The following ROBO2 variants were observed in gnomAD, a reference collection of about 807,000 sequenced individuals.
ROBO2 encodes the protein roundabout homolog 2.
Under a neutral mutation model 160.8 loss-of-function variants are expected in ROBO2, and 53 were observed. The observed-to-expected ratio is 0.33, with a 90% confidence interval of 0.26 to 0.41. ROBO2 has a LOEUF of 0.41. Ranked by LOEUF, ROBO2 falls within the 10% of genes least tolerant of loss-of-function variation. The pLI is 1.00. For synonymous variants in ROBO2, 664 were observed against 611.7 expected (o/e 1.09, Z -1.26); for missense variants, 1,577 against 1,722.4 (o/e 0.92, Z 1.49).
intron 2 of ROBO2, among the ~76,000 whole-genome samples, chr3:76,647,637 G>C (rs926923215): frequency 2.6e-5 from 4 of 152,160 alleles, no homozygotes; most frequent in Non-Finnish European, 5.9e-5. Context: ...TATGATTGCG[G>C]ACTTAATGGC....
chr3:76,361,035 A>T (rs2108386352), intron 2 of ROBO2, among the ~76,000 whole-genome samples: 1 of 152,122 alleles, frequency 6.6e-6, no homozygotes, highest in East Asian at 1.9e-4. Flanking sequence ...ACAAAATCTC[A>T]ATTGATACAA....
At chr3:76,933,523 CT>C (rs745965222) in intron 2 of ROBO2, among the ~76,000 whole-genome samples, 21 of 152,134 alleles carry the variant, frequency 1.4e-4, no homozygotes, top group Admixed American at 1.3e-4. Context: ...TTGTTTTTAA[CT>C]GTAATTTTTA....
intron 2 of ROBO2, among the ~76,000 whole-genome samples, chr3:76,074,199 G>T (rs577807971): frequency 6.7e-6 from 1 of 149,496 alleles, no homozygotes; most frequent in East Asian, 2.0e-4. Flanking sequence ...TCTCTGTGGC[G>T]CCTGTGTGGA....
rs143872609 is a variant in ROBO2 at position 77,179,432 on chromosome 3, A to G, written c.388+81092A>G. ...ATAGCTCATGAATGTGCATGAATAC[A>G]TACATATGCACTTAACAAGAATTTT... is the stretch of plus-strand genomic sequence containing the variant. On this transcript the variant is annotated intron_variant, in intron 2 of 25. Coordinates refer to ENST00000461745, the Ensembl canonical transcript of ROBO2. Among the ~76,000 whole-genome samples, 40 of 151,920 alleles carry G rather than the reference A, an allele frequency of 2.6e-4. No homozygotes were observed. The East Asian group carries it at 7.5e-3, about 29-fold the overall frequency.
chr3:77,288,457 T>A (rs1010606215), intron 2 of ROBO2, among the ~76,000 whole-genome samples: 3 of 152,172 alleles, frequency 2.0e-5, no homozygotes, highest in African/African-American at 7.2e-5. Context: ...CAAATCTTCA[T>A]ATGGATTTTG....
At chr3:77,064,157 T>G (rs1021232154) in intron 1 of ROBO2, among the ~76,000 whole-genome samples, 12 of 152,194 alleles carry the variant, frequency 7.9e-5, no homozygotes, top group African/African-American at 2.7e-4. Context: ...AAACGTTTGA[T>G]TTTATTTTTA....
chr3:76,931,654 T>C (rs982413206), intron 2 of ROBO2, among the ~76,000 whole-genome samples: 1 of 152,092 alleles, frequency 6.6e-6, no homozygotes, highest in Non-Finnish European at 1.5e-5. Flanking sequence ...TTCGTCAGTC[T>C]AGTATTATAT....
rs572198554 is a variant in ROBO2 at position 77,542,492 on chromosome 3, C to T, written c.935-3846C>T. 4.6e-5 allele frequency among the ~76,000 whole-genome samples: 7 copies of T among 152,172 alleles called. No individual in the cohort carries two copies. The East Asian group carries it at 7.7e-4, about 17-fold the overall frequency. ...ATGCATTTGAAATACAACACATTTC[C>T]GACTTGGAGTAAATGTACAATATAC... On this transcript the variant is annotated intron_variant, in intron 6 of 25. Transcript: ENST00000461745.
At chr3:76,418,248 A>G (rs62263760) in intron 2 of ROBO2, among the ~76,000 whole-genome samples, 1 of 151,542 alleles carries the variant, frequency 6.6e-6, no homozygotes, top group Non-Finnish European at 1.5e-5. Flanking sequence ...AGAGAGAGAG[A>G]GGGAGAGAGA....
At chr3:77,154,551 A>G (rs2077819456) in intron 2 of ROBO2, among the ~76,000 whole-genome samples, 1 of 152,048 alleles carries the variant, frequency 6.6e-6, no homozygotes, top group Non-Finnish European at 1.5e-5. Context: ...AAATCGTCCA[A>G]CCAAAAGGCG....
At chr3:77,315,230 A>G (rs1249797245) in intron 2 of ROBO2, among the ~76,000 whole-genome samples, 1 of 152,162 alleles carries the variant, frequency 6.6e-6, no homozygotes, top group African/African-American at 2.4e-5. Flanking sequence ...AACTACATAA[A>G]TAGAAGCATG....
In ROBO2 at chr3:77,516,826, A is replaced by C. The variant is rs115074999; in HGVS notation, c.807-5949A>C. Among the ~76,000 whole-genome samples the C allele has an allele frequency of 1.3e-3, 200 of 151,808 alleles. 1 individual carries two copies. The highest frequency in any genetic ancestry group is 4.5e-3 in the African/African-American group (187 of 41,514). ...TGATACAATATCTTGTTATATTTCA[A>C]ATTAGTTAATCTCTCAGTACTGCAT... On this transcript the variant is annotated intron_variant, in intron 5 of 25. Transcript: ENST00000461745.
chr3:76,694,370 A>G (rs1020252406), intron 2 of ROBO2, among the ~76,000 whole-genome samples: 3 of 152,130 alleles, frequency 2.0e-5, no homozygotes, highest in African/African-American at 4.8e-5. Context: ...CTACGATCCA[A>G]TAGCTTGAAA....
chr3:76,586,179 T>A (rs1424304546), intron 2 of ROBO2, among the ~76,000 whole-genome samples: 2 of 152,170 alleles, frequency 1.3e-5, no homozygotes, highest in Non-Finnish European at 1.5e-5. Flanking sequence ...AAATTAACCC[T>A]CTTCTGCAAA....
chr3:77,032,215 A>G (rs1426827883), intron 2 of ROBO2, among the ~76,000 whole-genome samples: 2 of 152,140 alleles, frequency 1.3e-5, no homozygotes, highest in Admixed American at 6.5e-5. Context: ...CAATGAAAAA[A>G]ATGTTGAGAA....
intron 2 of ROBO2, among the ~76,000 whole-genome samples, chr3:76,895,704 A>C (rs890110887): frequency 1.3e-5 from 2 of 152,202 alleles, no homozygotes; most frequent in Non-Finnish European, 2.9e-5. Flanking sequence ...AAATAACTGC[A>C]AAATATGATT....
chr3:75,946,212 C>T (rs1203025798), intron 2 of ROBO2, among the ~76,000 whole-genome samples: 1 of 151,890 alleles, frequency 6.6e-6, no homozygotes, highest in Non-Finnish European at 1.5e-5. Context: ...AAATGATGTA[C>T]ATGTTAATAT....
At chr3:76,434,144 A>T in intron 2 of ROBO2, 1 of 1,195,376 alleles carries the variant, frequency 8.4e-7, no homozygotes, top group Non-Finnish European at 1.3e-6. Context: ...CATTTGACTC[A>T]CTGCTTGCTG....
chr3:76,212,748 C>T (rs973129580), intron 2 of ROBO2, among the ~76,000 whole-genome samples: 2 of 152,034 alleles, frequency 1.3e-5, no homozygotes, highest in Non-Finnish European at 2.9e-5. Context: ...ACTTGCTTCT[C>T]TGTAGTTCTC....
Sources: allele counts gnomAD v4.1 joint callset (sites outside exome capture counted in the v4.1 genomes callset), GRCh38; gene constraint gnomAD v4.1.1; transcripts MANE v1.5; gene names NCBI Gene and HGNC (gene_info 2026-07-23, HGNC 2026-07-21).